ITPR2: variants seen among roughly 807,000 people sequenced by gnomAD.
ITPR2 encodes inositol 1,4,5-trisphosphate receptor type 2, also known as inositol 1,4,5-trisphosphate-gated calcium channel ITPR2.
ITPR2 carries 207 observed loss-of-function variants against 317.1 expected under a neutral mutation model. The ratio of observed to expected loss-of-function variants is 0.65; its 90% CI spans 0.58 to 0.73. ITPR2 has a LOEUF of 0.73. Among genes scored for constraint, ITPR2 ranks in the 30% least tolerant of loss-of-function variants. The probability of loss-of-function intolerance (pLI) is 0.00; values close to 1 mark genes in which losing one functional copy is unlikely to be tolerated. For missense variants in ITPR2, 2,613 were observed against 3,284.0 expected (o/e 0.80, Z 4.99); for synonymous variants, 1,156 against 1,149.1 (o/e 1.01, Z -0.12).
chr12:26,368,489 C>T (rs934380280), intron 55 of ITPR2, among the ~76,000 whole-genome samples: 12 of 151,978 alleles, frequency 7.9e-5, no homozygotes, highest in African/African-American at 2.7e-4. Flanking sequence ...AATATTACTA[C>T]ATTTTCTTTT....
intron 32 of ITPR2, among the ~76,000 whole-genome samples, chr12:26,580,662 C>T (rs906581544): frequency 2.6e-5 from 4 of 152,144 alleles, no homozygotes; most frequent in African/African-American, 9.7e-5. Context: ...AAATCAAACC[C>T]TTCCCAATAA....
chr12:26,507,356 G>A (rs754165431), intron 37 of ITPR2, among the ~76,000 whole-genome samples: 6 of 152,166 alleles, frequency 3.9e-5, no homozygotes, highest in Non-Finnish European at 8.8e-5. Flanking sequence ...GCTTACCTTA[G>A]AAAGGGTCTT....
intron 21 of ITPR2, among the ~76,000 whole-genome samples, chr12:26,647,111 G>A (rs559993826): frequency 6.6e-6 from 1 of 152,310 alleles, no homozygotes; most frequent in Admixed American, 6.5e-5. Flanking sequence ...TTCACTGAAC[G>A]ATGTAGACTT....
At chr12:26,374,560 T>C (rs1939283867) in intron 55 of ITPR2, among the ~76,000 whole-genome samples, 1 of 152,246 alleles carries the variant, frequency 6.6e-6, no homozygotes. Flanking sequence ...AAGTTAGCCA[T>C]ATTATTTATT....
intron 45 of ITPR2, among the ~76,000 whole-genome samples, chr12:26,475,080 T>G (rs1434914527): frequency 1.3e-5 from 2 of 152,166 alleles, no homozygotes; most frequent in Non-Finnish European, 2.9e-5. Flanking sequence ...CCAGTAGTTT[T>G]GGGTACCAAG....
intron 45 of ITPR2, among the ~76,000 whole-genome samples, chr12:26,454,281 G>A (rs1312101533): frequency 6.6e-6 from 1 of 152,006 alleles, no homozygotes; most frequent in Non-Finnish European, 1.5e-5. Context: ...CTCAGCTGAT[G>A]GCAACCTCTG....
intron 45 of ITPR2, among the ~76,000 whole-genome samples, chr12:26,455,507 T>G (rs1320833150): frequency 6.6e-6 from 1 of 152,306 alleles, no homozygotes; most frequent in African/African-American, 2.4e-5. Context: ...GGGATTCAGA[T>G]CTGTTGAATT....
At chr12:26,823,612 T>C (rs1338228061) in intron 1 of ITPR2, among the ~76,000 whole-genome samples, 1 of 152,100 alleles carries the variant, frequency 6.6e-6, no homozygotes, top group Non-Finnish European at 1.5e-5. Context: ...ATAAACCACA[T>C]CTCCAGGATA....
chr12:26,750,106 T>G (rs1004692123), intron 2 of ITPR2, among the ~76,000 whole-genome samples: 1 of 152,214 alleles, frequency 6.6e-6, no homozygotes, highest in Non-Finnish European at 1.5e-5. Context: ...AGTAGCACAT[T>G]TTATTCCAAA....
intron 50 of ITPR2, among the ~76,000 whole-genome samples, chr12:26,416,783 G>C (rs1335246359): frequency 6.6e-6 from 1 of 152,084 alleles, no homozygotes; most frequent in Non-Finnish European, 1.5e-5. Context: ...CAACACTGTG[G>C]CTTATTAAAT....
intron 3 of ITPR2, 48 bp from the exon 4 acceptor site, chr12:26,724,790 G>A: frequency 7.4e-7 from 1 of 1,360,458 alleles, no homozygotes; most frequent in Non-Finnish European, 1.0e-6. Flanking sequence ...AGTAAACAGA[G>A]TGTAATAACT....
intron 37 of ITPR2, among the ~76,000 whole-genome samples, chr12:26,506,758 T>C (rs1943197918): frequency 6.6e-6 from 1 of 152,162 alleles, no homozygotes. Flanking sequence ...ATCCCCCTGC[T>C]ACAATATGTC....
chr12:26,347,452 C>A (rs1471985535), intron 55 of ITPR2, among the ~76,000 whole-genome samples: 1 of 152,158 alleles, frequency 6.6e-6, no homozygotes, highest in East Asian at 1.9e-4. Flanking sequence ...CCGATACCCA[C>A]AATTCCATAA....
At chr12:26,742,195 T>C (rs150223893) in intron 2 of ITPR2, among the ~76,000 whole-genome samples, 2 of 152,302 alleles carry the variant, frequency 1.3e-5, no homozygotes, top group Non-Finnish European at 2.9e-5. Context: ...ACACAAAGCA[T>C]GTCACAGGAT....
intron 49 of ITPR2, among the ~76,000 whole-genome samples, chr12:26,427,161 C>T (rs1458126379): frequency 1.3e-5 from 2 of 152,038 alleles, no homozygotes; most frequent in African/African-American, 2.4e-5. Flanking sequence ...AGGAAAAGAT[C>T]GAAAGTGTCT....
intron 45 of ITPR2, among the ~76,000 whole-genome samples, chr12:26,453,389 G>A (rs1040533462): frequency 6.6e-6 from 1 of 152,154 alleles, no homozygotes; most frequent in Admixed American, 6.5e-5. Context: ...CATTATTGTA[G>A]TGTCCTAGTC....
At chr12:26,382,257 T>C (rs972632929) in intron 55 of ITPR2, among the ~76,000 whole-genome samples, 2 of 152,186 alleles carry the variant, frequency 1.3e-5, no homozygotes, top group African/African-American at 4.8e-5. Context: ...AACATGAGGG[T>C]TTACATCCCC....
At chr12:26,621,101 C>A in intron 26 of ITPR2, 22 bp downstream of exon 26, 1 of 1,597,470 alleles carries the variant, frequency 6.3e-7, no homozygotes, top group South Asian at 1.1e-5. Flanking sequence ...GGGAGTATTT[C>A]GAAATAGATC....
intron 32 of ITPR2, among the ~76,000 whole-genome samples, chr12:26,586,621 CT>C (rs1260460787): frequency 3.3e-5 from 5 of 152,062 alleles, no homozygotes; most frequent in Admixed American, 3.3e-4. Flanking sequence ...TCAATTATTG[CT>C]ATTATGTGAG....
Sources: gnomAD v4.1 joint callset for allele counts (sites outside exome capture counted in the v4.1 genomes callset) on GRCh38, gnomAD v4.1.1 for gene constraint, MANE v1.5 for transcripts, NCBI Gene and HGNC (gene_info 2026-07-23, HGNC 2026-07-21) for gene names.